Variants in ATP2B4 observed in about 807,000 individuals in gnomAD.
The protein encoded by ATP2B4 is ATPase plasma membrane Ca2+ transporting 4.
In ATP2B4, 39 loss-of-function variants were observed where a neutral mutation model predicts 110.3. The ratio of observed to expected loss-of-function variants is 0.35; its 90% CI spans 0.27 to 0.46. The LOEUF (loss-of-function observed/expected upper bound fraction) is 0.46, where lower values mean the gene tolerates loss of function less well. Ranked by LOEUF, ATP2B4 falls within the 20% of genes least tolerant of loss-of-function variation. The probability of loss-of-function intolerance (pLI) is 1.00; values close to 1 mark genes in which losing one functional copy is unlikely to be tolerated. For missense variants in ATP2B4, 1,135 were observed against 1,530.9 expected (o/e 0.74, Z 4.32); for synonymous variants, 538 against 571.7 (o/e 0.94, Z 0.84).
At chr1:203,732,943 T>G (rs1430498357) in intron 20 of ATP2B4, among the ~76,000 whole-genome samples, 1 of 152,158 alleles carries the variant, frequency 6.6e-6, no homozygotes, top group Non-Finnish European at 1.5e-5. Flanking sequence ...AAATGCCCAC[T>G]GTGGATTCAA....
chr1:203,691,631 C>T (rs1314522435), intron 2 of ATP2B4, among the ~76,000 whole-genome samples: 2 of 152,224 alleles, frequency 1.3e-5, no homozygotes, highest in Non-Finnish European at 2.9e-5. Context: ...AGTTCATCAT[C>T]CTCTGGCTGT....
At chr1:203,711,244 ACTGCTGTGG>A in intron 12 of ATP2B4, 136 bp downstream of exon 12, 1 of 778,336 alleles carries the variant, frequency 1.3e-6, no homozygotes, top group Admixed American at 2.5e-5. Flanking sequence ...GCTTCACAGG[ACTGCTGTGG>A]AGTGCCAGTA....
chr1:203,730,114 A>G (rs1666655056), intron 20 of ATP2B4, among the ~76,000 whole-genome samples: 1 of 150,848 alleles, frequency 6.6e-6, no homozygotes, highest in South Asian at 2.1e-4. Context: ...GTCTTATTTT[A>G]TTTCCTTTTC....
chr1:203,648,608 C>T (rs1392540898), intron 1 of ATP2B4, among the ~76,000 whole-genome samples: 1 of 152,188 alleles, frequency 6.6e-6, no homozygotes, highest in Non-Finnish European at 1.5e-5. Flanking sequence ...TCCAAGGCAC[C>T]TGTTCGGTGC....
chr1:203,700,731 T>G, intron 5 of ATP2B4, 67 bp from the exon 6 acceptor site: 3 of 1,595,298 alleles, frequency 1.9e-6, no homozygotes, highest in Non-Finnish European at 2.6e-6. Context: ...TAAGTTTGTG[T>G]TTCATACCAA....
chr1:203,712,057 G>A lies in ATP2B4; in HGVS notation c.2129G>A (p.Cys710Tyr). 1 of 1,614,196 alleles carries A rather than the reference G, an allele frequency of 6.2e-7. No individual in the cohort carries two copies. The highest frequency in any genetic ancestry group is 8.5e-7 in the Non-Finnish European group (1 of 1,180,018). The change falls in exon 13 of 21, where the codon TGT becomes TAT. Residue 710 changes from cysteine to tyrosine, a missense_variant. Cys to Tyr is a radical substitution (Grantham distance 194). This residue lies in a region of ATP2B4 where 368 missense variants were observed against 455.9 expected (regional missense o/e 0.81). Coordinates refer to ENST00000357681, the MANE Select transcript of ATP2B4 (RefSeq NM_001684.5). ...ACAGCCCGGGCCATTGCCACCAAAT[G>A]TGGCATTCTGACACCTGGGGATGAC... ...INTARAIATK[C>Y]GILTPGDDFL...
chr1:203,704,598 A>G (rs1207869097), intron 8 of ATP2B4, among the ~76,000 whole-genome samples: 1 of 146,870 alleles, frequency 6.8e-6, no homozygotes, highest in Admixed American at 7.0e-5. Flanking sequence ...TTCCTGCCTC[A>G]GCCACCCAAG....
intron 1 of ATP2B4, among the ~76,000 whole-genome samples, chr1:203,673,513 A>T (rs1664736680): frequency 6.6e-6 from 1 of 152,220 alleles, no homozygotes; most frequent in Admixed American, 6.5e-5. Flanking sequence ...TCTTTTCAGC[A>T]TGGAGCCCTC....
rs1558045930 is a variant in ATP2B4, at chr1:203,711,087, T to C, written c.2010T>C (p.Ile670=). 6.2e-7 allele frequency: 1 copy of C among 1,614,008 alleles called. No homozygotes were observed. Among genetic ancestry groups the C allele is most frequent in the East Asian group, 2.2e-5 (1 of 44,858 alleles). ...TELTCIAVVG[I]EDPVRPEVPD... ...TGACCTGTATCGCGGTGGTGGGCATTGAGGACCCTGTGCGCCCAGAGGTGA... is the reference window on the plus strand; with the variant it reads ...TGACCTGTATCGCGGTGGTGGGCATCGAGGACCCTGTGCGCCCAGAGGTGA... The change falls in exon 12 of 21, where the codon ATT becomes ATC. Residue 670 remains isoleucine (I), a synonymous_variant. Transcript: ENST00000357681.
At position 203,700,465 on chromosome 1, in the gene ATP2B4, G is replaced by T. The variant is rs76703502; in HGVS notation, c.775+134G>T. On this transcript the variant is annotated intron_variant, in intron 5 of 20. Transcript: ENST00000357681. The stretch of plus-strand genomic sequence containing the variant: ...GTTCAGCTGGGGCAACAGCATTTTG[G>T]TGGGTGGAATACAAGGATATCAGGC... 0.015 allele frequency: 18,502 copies of T among 1,267,542 alleles called. 1,610 individuals are homozygous for T. The East Asian group carries it at 0.26, about 18-fold the overall frequency. The allele number at this position is 1,267,542 out of a possible 1,614,324, so 78.5% of individuals were successfully genotyped here.
chr1:203,734,473 G>A (rs987671072), intron 20 of ATP2B4, among the ~76,000 whole-genome samples: 6 of 152,276 alleles, frequency 3.9e-5, no homozygotes, highest in South Asian at 2.1e-4. Flanking sequence ...TTAGGAGGCC[G>A]AGGTGGGCGG....
chr1:203,675,549 G>C (rs1255523457), intron 1 of ATP2B4, among the ~76,000 whole-genome samples: 2 of 152,196 alleles, frequency 1.3e-5, no homozygotes, highest in African/African-American at 4.8e-5. Context: ...TGACCAAAAA[G>C]CACCAAGTGA....
At chr1:203,688,933 T>C (rs1394555593) in intron 2 of ATP2B4, among the ~76,000 whole-genome samples, 1 of 152,116 alleles carries the variant, frequency 6.6e-6, no homozygotes, top group Non-Finnish European at 1.5e-5. Context: ...CTGTGTTGCC[T>C]TGGGTTTATC....
rs780709781 is a variant in ATP2B4 at position 203,699,648 on chromosome 1, C to T, written c.580C>T (p.Arg194Ter). Reference sequence around the variant, plus strand: ...ACAGGAGCAAAAGTTCTCCATCATCCGAAACGGTCAACTCATCCAGCTCCC... The same window carrying T: ...ACAGGAGCAAAAGTTCTCCATCATCTGAAACGGTCAACTCATCCAGCTCCC... ...IEQEQKFSII[R>*]NGQLIQLPVA... Residue 194 changes from arginine to a stop codon, truncating the protein, a stop_gained, in exon 4 of 21, where the codon CGA becomes TGA. Coordinates refer to ENST00000357681, the MANE Select transcript of ATP2B4 (RefSeq NM_001684.5). LOFTEE classifies it high-confidence loss of function. The T allele has an allele frequency of 1.2e-6, 2 of 1,614,044 alleles. No individual in the cohort carries two copies. Among genetic ancestry groups the T allele is most frequent in the Admixed American group, 3.3e-5 (2 of 59,996 alleles).
chr1:203,698,033 GTC>G, intron 2 of ATP2B4, 122 bp from the exon 3 acceptor site: 1 of 775,556 alleles, frequency 1.3e-6, no homozygotes, highest in Non-Finnish European at 2.1e-6. Context: ...TTGAGACAGC[GTC>G]TCTCTCTGTT....
intron 11 of ATP2B4, among the ~76,000 whole-genome samples, chr1:203,710,174 C>T (rs1047619191): frequency 1.3e-5 from 2 of 151,752 alleles, no homozygotes; most frequent in African/African-American, 4.8e-5. Context: ...GAAACCAGCC[C>T]GACCAACATG....
At chr1:203,680,017 C>T (rs528317346) in intron 1 of ATP2B4, among the ~76,000 whole-genome samples, 73 of 148,566 alleles carry the variant, frequency 4.9e-4, no homozygotes, top group Middle Eastern at 7.1e-3. Flanking sequence ...GCCAAGATCG[C>T]ACGACTGCAT....
intron 2 of ATP2B4, among the ~76,000 whole-genome samples, chr1:203,692,463 G>A (rs1326132106): frequency 6.6e-6 from 1 of 152,168 alleles, no homozygotes; most frequent in Non-Finnish European, 1.5e-5. Context: ...ACAGGCATGA[G>A]CCACCAAACA....
intron 2 of ATP2B4, among the ~76,000 whole-genome samples, chr1:203,690,009 T>C (rs1273171391): frequency 1.3e-5 from 2 of 152,232 alleles, no homozygotes. Flanking sequence ...ATTTTTGCCT[T>C]CCTTAATTAC....
Sources: gnomAD v4.1 joint callset for allele counts (sites outside exome capture counted in the v4.1 genomes callset) on GRCh38, gnomAD v4.1.1 for gene constraint, gnomAD v4.1.1 regional missense constraint, MANE v1.5 for transcripts, NCBI Gene and HGNC (gene_info 2026-07-23, HGNC 2026-07-21) for gene names.